The following SLC6A6 variants were observed in gnomAD, a reference collection of about 807,000 sequenced individuals.
SLC6A6 encodes the protein solute carrier family 6 member 6, also known as sodium- and chloride-dependent taurine transporter.
Under a neutral mutation model 68.8 loss-of-function variants are expected in SLC6A6, and 16 were observed. That is an observed-to-expected ratio of 0.23 (90% CI 0.16 to 0.35). The LOEUF (loss-of-function observed/expected upper bound fraction) is 0.35. SLC6A6 is among the 10% of genes least tolerant of loss of function. The pLI, the probability that SLC6A6 is intolerant of heterozygous loss-of-function variation, is 1.00. For missense variants in SLC6A6, 474 were observed against 802.8 expected (o/e 0.59, Z 4.95); for synonymous variants, 312 against 315.4 (o/e 0.99, Z 0.12).
chr3:14,425,031 A>AG (rs1699563117), intron 2 of SLC6A6, among the ~76,000 whole-genome samples: 1 of 152,202 alleles, frequency 6.6e-6, no homozygotes, highest in Non-Finnish European at 1.5e-5. Flanking sequence ...GATGCTAAGA[A>AG]GGGGCGGAGT....
At position 14,481,620 on chromosome 3, in the gene SLC6A6, CA is replaced by C; in HGVS notation, c.1552-50del. The C allele has an allele frequency of 7.6e-6, 10 of 1,313,406 alleles. No individual in the cohort carries two copies. The highest frequency in any genetic ancestry group is 1.8e-5 in the Admixed American group (1 of 54,858). 81.4% of individuals were successfully genotyped at this position (1,313,406 alleles called of 1,614,324 possible). A position where few individuals can be genotyped will look rare whatever the true frequency, so the allele number is the denominator to read the frequency against. ...GCCAGTCCTAGTCCCAGAAGCCCCC[CA>C]CCCCCCGATGCCCAGGACCCCTCTC... On this transcript the variant is annotated intron_variant, in intron 13 of 14. Transcript: ENST00000622186. The surrounding 1 kb of genome is among the most constrained non-coding windows in gnomAD (Gnocchi z 4.7).
intron 2 of SLC6A6, among the ~76,000 whole-genome samples, chr3:14,440,033 T>C (rs1699946148): frequency 6.6e-6 from 1 of 152,110 alleles, no homozygotes; most frequent in Non-Finnish European, 1.5e-5. Flanking sequence ...GACTGGATAG[T>C]AGTGATAGCG....
intron 5 of SLC6A6, among the ~76,000 whole-genome samples, chr3:14,457,436 T>C (rs1700394431): frequency 6.6e-6 from 1 of 152,208 alleles, no homozygotes; most frequent in African/African-American, 2.4e-5. Flanking sequence ...ACTTACATTT[T>C]AGTGAGAGAT....
At chr3:14,410,269 AC>A (rs1245475086) in intron 1 of SLC6A6, among the ~76,000 whole-genome samples, 2 of 150,072 alleles carry the variant, frequency 1.3e-5, no homozygotes, top group South Asian at 4.3e-4. Context: ...GCTTGTGTGA[AC>A]CCCCCCTTGA....
intron 10 of SLC6A6, among the ~76,000 whole-genome samples, chr3:14,475,458 C>G (rs966580126): frequency 1.2e-4 from 19 of 152,228 alleles, no homozygotes; most frequent in Non-Finnish European, 2.8e-4. Context: ...CAGATTTACT[C>G]TAATAATTTC....
chr3:14,421,898 C>T (rs774078906), intron 2 of SLC6A6, among the ~76,000 whole-genome samples: 6 of 152,126 alleles, frequency 3.9e-5, no homozygotes, highest in Non-Finnish European at 5.9e-5. Flanking sequence ...GCCTCAGCCT[C>T]GTGGGAAAGC....
chr3:14,484,920 C>T lies in SLC6A6; in HGVS notation c.1776C>T (p.Arg592=), dbSNP rs375835306. 9 of 1,612,408 alleles carry T rather than the reference C, an allele frequency of 5.6e-6. No homozygotes were observed. Among genetic ancestry groups the T allele is most frequent in the South Asian group, 3.3e-5 (3 of 90,982 alleles). The change falls in exon 15 of 15, where the codon CGC becomes CGT. Residue 592 remains arginine (R), a synonymous_variant. Transcript: ENST00000622186. ...PREPNRWAVE[R]EGATPYNSRT... ...AACCCAACCGCTGGGCTGTGGAGCG[C>T]GAGGGAGCCACACCTTACAACTCTC...
rs1042816589 is a variant in SLC6A6, at chr3:14,441,498, T to C, written c.-11-2126T>C. 4.6e-5 allele frequency among the ~76,000 whole-genome samples: 7 copies of C among 152,282 alleles called. No individual in the cohort carries two copies. In the East Asian group the frequency reaches 9.7e-4, roughly 21 times the overall value. ...TCTGGCAGACAGAGGAAGGGCTCCA[T>C]GAGCTGCCCAGAGGCTTCAGGAAGC... On this transcript the variant is annotated intron_variant, in intron 2 of 14. Coordinates refer to ENST00000622186, the MANE Select transcript of SLC6A6 (RefSeq NM_003043.6).
At chr3:14,420,657 TA>T (rs995367922) in intron 2 of SLC6A6, among the ~76,000 whole-genome samples, 2 of 152,088 alleles carry the variant, frequency 1.3e-5, no homozygotes, top group African/African-American at 4.8e-5. Flanking sequence ...CCTGGCTAAT[TA>T]TTTTTTTTAG....
intron 5 of SLC6A6, among the ~76,000 whole-genome samples, chr3:14,453,791 G>A (rs1243908036): frequency 6.6e-6 from 1 of 152,264 alleles, no homozygotes; most frequent in East Asian, 1.9e-4. Context: ...CTGCCCTGGG[G>A]ATGTGGCCTT....
chr3:14,408,781 C>A (rs1414491158), intron 1 of SLC6A6, among the ~76,000 whole-genome samples: 1 of 151,840 alleles, frequency 6.6e-6, no homozygotes, highest in Non-Finnish European at 1.5e-5. Context: ...TGTTTGGAAG[C>A]TAGCTGTAGT....
intron 1 of SLC6A6, among the ~76,000 whole-genome samples, chr3:14,415,275 G>T (rs1403623052): frequency 6.6e-6 from 1 of 152,216 alleles, no homozygotes; most frequent in South Asian, 2.1e-4. Flanking sequence ...GCCAGTGTGA[G>T]CCTGTTGAAT....
intron 10 of SLC6A6, among the ~76,000 whole-genome samples, chr3:14,475,330 C>G (rs1700851180): frequency 6.6e-6 from 1 of 152,054 alleles, no homozygotes; most frequent in Non-Finnish European, 1.5e-5. Context: ...CTGCACCCAG[C>G]TGGGACATGG....
intron 14 of SLC6A6, among the ~76,000 whole-genome samples, chr3:14,483,499 C>T (rs758925618): frequency 6.6e-6 from 1 of 152,158 alleles, no homozygotes; most frequent in African/African-American, 2.4e-5. Context: ...GACTCTCCTC[C>T]GCCCTCCCAG....
rs1257464685 is a variant in SLC6A6 at position 14,485,155 on chromosome 3, C to CGT, written c.*150_*151dup. On this transcript the variant is annotated 3_prime_UTR_variant, in exon 15 of 15. Transcript: ENST00000622186. Reference sequence around the variant, plus strand: ...GAAAATGTAATTGTGGGTATGTGTGCGTGCGTGTGTGTGTGTGTGTGTATC... The same window carrying CGT: ...GAAAATGTAATTGTGGGTATGTGTGCGTGTGCGTGTGTGTGTGTGTGTGTATC... The CGT allele has an allele frequency of 5.4e-6, 3 of 557,452 alleles. No homozygotes were observed. Among genetic ancestry groups the CGT allele is most frequent in the Non-Finnish European group, 5.9e-6 (2 of 340,984 alleles). 34.5% of individuals were successfully genotyped at this position (557,452 alleles called of 1,614,324 possible).
At chr3:14,458,199 G>GTGC in intron 6 of SLC6A6, 117 bp downstream of exon 6, 1 of 922,214 alleles carries the variant, frequency 1.1e-6, no homozygotes, top group Non-Finnish European at 1.8e-6. Context: ...CAGTGGTGGC[G>GTGC]TGCTGGTAAG....
In SLC6A6 at chr3:14,485,099, C is replaced by T; in HGVS notation, c.*92C>T. 1 of 1,136,512 alleles carries T rather than the reference C, an allele frequency of 8.8e-7. No homozygotes were observed. The highest frequency in any genetic ancestry group is 1.7e-5 in the South Asian group (1 of 59,918). The allele number at this position is 1,136,512 out of a possible 1,614,324, so 70.4% of individuals were successfully genotyped here. The stretch of plus-strand genomic sequence containing the variant: ...AGGTTTACAGAGCTTTATATTTGCA[C>T]TAGGATTTTTTTTTTTTTGTAATTG... On this transcript the variant is annotated 3_prime_UTR_variant, in exon 15 of 15. Transcript: ENST00000622186.
In SLC6A6 at chr3:14,487,719, G is replaced by A. The variant is rs535958810; in HGVS notation, c.*2712G>A. ...GGCCTCCAGGGTCCCCTAACCCAAC[G>A]CCCTTGTTGTAAATGAGGTAACTGA... On this transcript the variant is annotated 3_prime_UTR_variant, in exon 15 of 15. Coordinates refer to ENST00000622186, the MANE Select transcript of SLC6A6 (RefSeq NM_003043.6). The A allele has an allele frequency of 3.3e-5, 5 of 152,302 alleles. No homozygotes were observed. The highest frequency in any genetic ancestry group is 7.2e-5 in the African/African-American group (3 of 41,564). The allele number at this position is 152,302 out of a possible 1,614,324, so 9.4% of individuals were successfully genotyped here. A position where few individuals can be genotyped will look rare whatever the true frequency, so the allele number is the denominator to read the frequency against.
chr3:14,410,303 G>A (rs1477190813), intron 1 of SLC6A6, among the ~76,000 whole-genome samples: 1 of 152,164 alleles, frequency 6.6e-6, no homozygotes, highest in Non-Finnish European at 1.5e-5. Context: ...TAAGGAAAGG[G>A]TTAATGCCTC....
Sources: gnomAD v4.1 joint callset for allele counts (sites outside exome capture counted in the v4.1 genomes callset) on GRCh38, gnomAD v4.1.1 for gene constraint, Gnocchi (gnomAD v3.1) non-coding constraint, MANE v1.5 for transcripts, NCBI Gene and HGNC (gene_info 2026-07-23, HGNC 2026-07-21) for gene names.